Variants in STRN observed in about 807,000 individuals in gnomAD.
The protein encoded by STRN is striatin.
STRN carries 53 observed loss-of-function variants against 96.3 expected under a neutral mutation model. That is an observed-to-expected ratio of 0.55 (90% CI 0.44 to 0.69). STRN has a LOEUF of 0.69. Among genes scored for constraint, STRN ranks in the 30% least tolerant of loss-of-function variants. STRN has a pLI of 0.00. For synonymous variants in STRN, 428 were observed against 355.9 expected, an observed-to-expected ratio of 1.20 and a Z score of -2.28; for missense variants, 987 against 963.9, an observed-to-expected ratio of 1.02 and a Z score of -0.32.
chr2:36,917,230 G>T (rs1274892476), intron 2 of STRN, among the ~76,000 whole-genome samples: 1 of 151,338 alleles, frequency 6.6e-6, no homozygotes, highest in African/African-American at 2.4e-5. Context: ...CATAATTTAA[G>T]AAAAGTAGTG....
intron 1 of STRN, among the ~76,000 whole-genome samples, chr2:36,930,286 G>C (rs968693669): frequency 6.6e-6 from 1 of 152,002 alleles, no homozygotes; most frequent in Non-Finnish European, 1.5e-5. Flanking sequence ...ACAAAAATTA[G>C]CCAGGCATGG....
At position 36,874,317 on chromosome 2, in the gene STRN, C is replaced by A. The variant is rs117453351; in HGVS notation, c.1323+3574G>T. The stretch of plus-strand genomic sequence containing the variant: ...AGACCTCAATAGACAGGCTTAACTA[C>A]TGACTACAGATTACTGAAGAGACAA... On this transcript the variant is annotated intron_variant, in intron 10 of 17. Coordinates refer to ENST00000263918, the MANE Select transcript of STRN (RefSeq NM_003162.4). Among the ~76,000 whole-genome samples the A allele has an allele frequency of 1.5e-4, 23 of 149,518 alleles. 1 individual carries two copies. In the East Asian group the frequency reaches 4.5e-3, roughly 29 times the overall value.
chr2:36,950,806 T>C (rs1664735805), intron 1 of STRN, among the ~76,000 whole-genome samples: 1 of 152,220 alleles, frequency 6.6e-6, no homozygotes, highest in Non-Finnish European at 1.5e-5. Flanking sequence ...TTGTGTTTAT[T>C]CTCACTTACT....
In STRN at chr2:36,855,281, C is replaced by T; in HGVS notation, c.1909G>A (p.Gly637Arg). 6.2e-7 allele frequency: 1 copy of T among 1,613,732 alleles called. No individual in the cohort carries two copies. Among genetic ancestry groups the T allele is most frequent in the Non-Finnish European group, 8.5e-7 (1 of 1,179,810 alleles). ...PSHMVASFSKGYTSIFNMETQ... is the reference protein window; with the variant it reads ...PSHMVASFSKRYTSIFNMETQ... ...TCCATGTTAAAAATGCTTGTATATC[C>T]CTTGCTGAATGATGCTACCATATGG... Residue 637 changes from glycine to arginine, a missense_variant, in exon 15 of 18, where the codon GGA becomes AGA. Transcript: ENST00000263918.
At chr2:36,906,144 C>T (rs1049986066) in intron 3 of STRN, among the ~76,000 whole-genome samples, 1 of 152,114 alleles carries the variant, frequency 6.6e-6, no homozygotes, top group African/African-American at 2.4e-5. Context: ...ATATATACAC[C>T]ATGTACCCAC....
At chr2:36,939,182 C>G (rs1054699521) in intron 1 of STRN, among the ~76,000 whole-genome samples, 14 of 152,076 alleles carry the variant, frequency 9.2e-5, no homozygotes, top group African/African-American at 3.4e-4. Context: ...CCGCCCGCCT[C>G]GGCCTCCCAA....
At chr2:36,895,933 G>GA (rs1054481502) in intron 6 of STRN, among the ~76,000 whole-genome samples, 61 of 151,130 alleles carry the variant, frequency 4.0e-4, no homozygotes, top group Non-Finnish European at 7.1e-4. Context: ...CAAAAAAAAA[G>GA]AAAAAAAACA....
chr2:36,905,577 G>A lies in STRN; in HGVS notation c.454C>T (p.Gln152Ter). ...ETEVQPQQNS[Q>*]LMWKQGRQLL... ...TGTCGACCTTGTTTCCACATTAACT[G>A]GCTGTTTTGTTGTGGCTGCACTTCT... The change falls in exon 4 of 18, where the codon CAG becomes TAG. Residue 152 changes from glutamine to a stop codon, truncating the protein, a stop_gained. Coordinates refer to ENST00000263918, the MANE Select transcript of STRN (RefSeq NM_003162.4). LOFTEE classifies it high-confidence loss of function. 3 of 1,613,490 alleles carry A rather than the reference G, an allele frequency of 1.9e-6. No individual in the cohort carries two copies. Among genetic ancestry groups the A allele is most frequent in the Non-Finnish European group, 2.5e-6 (3 of 1,179,894 alleles).
intron 1 of STRN, among the ~76,000 whole-genome samples, chr2:36,928,181 A>G (rs1268978930): frequency 1.3e-5 from 2 of 152,222 alleles, no homozygotes; most frequent in Non-Finnish European, 1.5e-5. Context: ...CGAAAGCATA[A>G]TAATTGGTAT....
intron 7 of STRN, among the ~76,000 whole-genome samples, chr2:36,891,376 A>T (rs1260331260): frequency 6.6e-6 from 1 of 152,110 alleles, no homozygotes; most frequent in South Asian, 2.1e-4. Context: ...AAATACAAAA[A>T]ATAGCCGGGC....
intron 10 of STRN, among the ~76,000 whole-genome samples, chr2:36,877,039 T>C (rs1668933404): frequency 6.6e-6 from 1 of 152,176 alleles, no homozygotes; most frequent in Admixed American, 6.5e-5. Flanking sequence ...TGAGCCACTG[T>C]GCCCAGCCCT....
chr2:36,937,391 G>A (rs531900865), intron 1 of STRN, among the ~76,000 whole-genome samples: 7 of 151,444 alleles, frequency 4.6e-5, no homozygotes, highest in South Asian at 2.1e-4. Context: ...AAAAGAGGTC[G>A]GGCATAATGG....
intron 3 of STRN, among the ~76,000 whole-genome samples, chr2:36,908,363 A>G (rs1372382975): frequency 6.6e-6 from 1 of 152,248 alleles, no homozygotes; most frequent in Non-Finnish European, 1.5e-5. Flanking sequence ...AGAACAAGGA[A>G]TGAATTACTG....
rs17020005 is a variant in STRN at position 36,868,063 on chromosome 2, T to C, written c.1500-202A>G. Among the ~76,000 whole-genome samples, 6,238 of 152,292 alleles carry C rather than the reference T, an allele frequency of 0.041. 200 individuals are homozygous for C. The highest frequency in any genetic ancestry group is 0.13 in the East Asian group (669 of 5,186). On this transcript the variant is annotated intron_variant, in intron 11 of 17. Coordinates refer to ENST00000263918, the MANE Select transcript of STRN (RefSeq NM_003162.4). ...AGATTCTTGTTTAGTAATAATATCATGTTACAGTATTTTTAGCCCTGTCAT... is the reference window on the plus strand; with the variant it reads ...AGATTCTTGTTTAGTAATAATATCACGTTACAGTATTTTTAGCCCTGTCAT...
intron 2 of STRN, among the ~76,000 whole-genome samples, chr2:36,919,481 G>T (rs1558653012): frequency 6.9e-6 from 1 of 145,122 alleles, no homozygotes; most frequent in Non-Finnish European, 1.5e-5. Flanking sequence ...TTAAGTGGAA[G>T]AAAAAAAAAA....
Position 36,932,388 on chromosome 2 carries a change from C to T in STRN, c.235-7180G>A, listed in dbSNP as rs1483050010. On this transcript the variant is annotated intron_variant, in intron 1 of 17. Coordinates refer to ENST00000263918, the MANE Select transcript of STRN (RefSeq NM_003162.4). Reference sequence around the variant, plus strand: ...CAGGCTGGTATCAAACTCCTGACCTCGGGTGATCTGCCTGCCTCGGCCTCC... The same window carrying T: ...CAGGCTGGTATCAAACTCCTGACCTTGGGTGATCTGCCTGCCTCGGCCTCC... Among the ~76,000 whole-genome samples, 4 of 152,124 alleles carry T rather than the reference C, an allele frequency of 2.6e-5. No homozygotes were observed. In the East Asian group the frequency reaches 5.8e-4, roughly 22 times the overall value.
intron 12 of STRN, among the ~76,000 whole-genome samples, chr2:36,865,010 C>T (rs1334716745): frequency 2.6e-5 from 4 of 152,204 alleles, no homozygotes; most frequent in Non-Finnish European, 5.9e-5. Context: ...CCACTGCACC[C>T]GGCCCCTCCT....
rs1163948384 is a variant in STRN, at chr2:36,845,913, ATG to A, written c.*3541_*3542del. 1 of 22,942 alleles carries A rather than the reference ATG, an allele frequency of 4.4e-5. No homozygotes were observed. The highest frequency in any genetic ancestry group is 1.1e-4 in the African/African-American group (1 of 8,772). The allele number at this position is 22,942 out of a possible 1,614,324, so 1.4% of individuals were successfully genotyped here. On this transcript the variant is annotated 3_prime_UTR_variant, in exon 18 of 18. Transcript: ENST00000263918. ...CACACACACACACACACACGCATGC[ATG>A]CACACACACACACACACACACACAC...
chr2:36,949,566 G>C (rs1015305394), intron 1 of STRN, among the ~76,000 whole-genome samples: 7 of 152,198 alleles, frequency 4.6e-5, no homozygotes, highest in African/African-American at 9.6e-5. Context: ...CAGGGAAGAA[G>C]TAGTACTAGT....
Sources: gnomAD v4.1 joint callset for allele counts (sites outside exome capture counted in the v4.1 genomes callset) on GRCh38, gnomAD v4.1.1 for gene constraint, MANE v1.5 for transcripts, NCBI Gene and HGNC (gene_info 2026-07-23, HGNC 2026-07-21) for gene names.